Variants in EP300 observed in about 807,000 individuals in gnomAD.
The protein encoded by EP300 is histone acetyltransferase p300.
EP300 carries 31 observed loss-of-function variants against 264.0 expected under a neutral mutation model. The observed-to-expected ratio is 0.12, with a 90% CI of 0.09 to 0.16. The LOEUF is 0.16. EP300 is among the 10% of genes least tolerant of loss of function. The pLI, the probability that EP300 is intolerant of heterozygous loss-of-function variation, is 1.00. For synonymous variants in EP300, 1,340 were observed against 1,045.4 expected, an observed-to-expected ratio of 1.28 and a Z score of -5.44; for missense variants, 2,766 against 3,052.9, an observed-to-expected ratio of 0.91 and a Z score of 2.21.
intron 5 of EP300, among the ~76,000 whole-genome samples, chr22:41,130,335 G>T (rs1346358869): frequency 2.0e-5 from 3 of 151,790 alleles, no homozygotes; most frequent in African/African-American, 7.3e-5. Context: ...CAAGGCAAGA[G>T]GATTCCCAGG....
At position 41,176,757 on chromosome 22, in the gene EP300, CCT is replaced by C; in HGVS notation, c.5062-15_5062-14del. 6.2e-7 allele frequency: 1 copy of C among 1,613,842 alleles called. No individual in the cohort carries two copies. The highest frequency in any genetic ancestry group is 8.5e-7 in the Non-Finnish European group (1 of 1,180,034). ...AATCTTGGAGAGTTTACGTGCACCT[CCT>C]GTTTTTTCCCTAGGATTATGACTTG... is the stretch of plus-strand genomic sequence containing the variant. On this transcript the variant is annotated splice_polypyrimidine_tract_variant and intron_variant, in intron 30 of 30. Transcript: ENST00000263253.
intron 1 of EP300, among the ~76,000 whole-genome samples, chr22:41,112,513 A>G (rs575739488): frequency 6.6e-6 from 1 of 152,114 alleles, no homozygotes; most frequent in Middle Eastern, 3.4e-3. Context: ...TGAATCTTAT[A>G]TTTTCTTTAT....
chr22:41,097,377 A>AG lies in EP300; in HGVS notation c.94+4282dup, dbSNP rs1302996458. ...ATGGATAATAGGGAGGAGGGAGGAA[A>AG]GGGTTTCTGCCTTGGTGGCCTTTTG... On this transcript the variant is annotated intron_variant, in intron 1 of 30. Transcript: ENST00000263253. Among the ~76,000 whole-genome samples the AG allele has an allele frequency of 2.0e-5, 3 of 152,164 alleles. No individual in the cohort carries two copies. In the South Asian group the frequency reaches 6.2e-4, roughly 32 times the overall value.
Position 41,178,309 on chromosome 22 carries a change from G to C in EP300, c.6598G>C (p.Gly2200Arg), listed in dbSNP as rs1281461560. The change falls in exon 31 of 31, where the codon GGA becomes CGA. Residue 2200 changes from glycine (G) to arginine (R), a missense_variant. By Grantham distance (125) the Gly-to-Arg change is moderately radical. Coordinates refer to ENST00000263253, the MANE Select transcript of EP300 (RefSeq NM_001429.4). ...QQQQQQGAGPGIGPGMANHNQ... is the reference protein window; with the variant it reads ...QQQQQQGAGPRIGPGMANHNQ... ...GCAGCAGCAACAGGGAGCAGGGCCA[G>C]GAATAGGCCCTGGAATGGCCAACCA... is the stretch of plus-strand genomic sequence containing the variant. 6.2e-7 allele frequency: 1 copy of C among 1,614,154 alleles called. No individual in the cohort carries two copies. Among genetic ancestry groups the C allele is most frequent in the Non-Finnish European group, 8.5e-7 (1 of 1,180,024 alleles).
chr22:41,166,570 G>C, intron 22 of EP300, 29 bp from the exon 23 acceptor site: 1 of 1,588,418 alleles, frequency 6.3e-7, no homozygotes, highest in Non-Finnish European at 8.6e-7. Flanking sequence ...TATCTAAGTT[G>C]TGTAAGCAAA....
chr22:41,145,712 C>T (rs2059006808), intron 10 of EP300, among the ~76,000 whole-genome samples: 1 of 152,200 alleles, frequency 6.6e-6, no homozygotes, highest in Non-Finnish European at 1.5e-5. Context: ...CAAGCTCCAC[C>T]TCCCGGGGTC....
At chr22:41,175,956 A>G in intron 29 of EP300, 1 of 449,194 alleles carries the variant, frequency 2.2e-6, no homozygotes, top group South Asian at 2.2e-5. Flanking sequence ...GTACCTGCTC[A>G]CACCTGTAAT....
intron 6 of EP300, among the ~76,000 whole-genome samples, chr22:41,134,286 G>C (rs966880920): frequency 6.6e-6 from 1 of 150,724 alleles, no homozygotes; most frequent in African/African-American, 2.4e-5. Flanking sequence ...TGGATAACTA[G>C]AAACGTACGT....
At chr22:41,145,888 G>T (rs962737708) in intron 10 of EP300, among the ~76,000 whole-genome samples, 1 of 152,000 alleles carries the variant, frequency 6.6e-6, no homozygotes, top group African/African-American at 2.4e-5. Context: ...GCCCGCCTCG[G>T]CCTCCCAAAG....
At chr22:41,111,694 C>A (rs2058791391) in intron 1 of EP300, among the ~76,000 whole-genome samples, 1 of 151,528 alleles carries the variant, frequency 6.6e-6, no homozygotes, top group African/African-American at 2.4e-5. Context: ...GCCTGCACCA[C>A]CACGTACCGC....
chr22:41,102,015 CT>C (rs773184228), intron 1 of EP300, among the ~76,000 whole-genome samples: 19 of 142,454 alleles, frequency 1.3e-4, no homozygotes, highest in African/African-American at 2.6e-4. Context: ...TTTTCTGTTG[CT>C]TTTTTTTCTT....
chr22:41,153,210 C>G (rs932456428), intron 16 of EP300, among the ~76,000 whole-genome samples: 2 of 152,166 alleles, frequency 1.3e-5, no homozygotes, highest in Non-Finnish European at 2.9e-5. Flanking sequence ...GCCATTCCAA[C>G]AAGTGTTAAT....
chr22:41,100,244 A>G (rs1399667452), intron 1 of EP300, among the ~76,000 whole-genome samples: 1 of 152,204 alleles, frequency 6.6e-6, no homozygotes, highest in African/African-American at 2.4e-5. Context: ...TTCTAAAACA[A>G]CAAAAATTAG....
At chr22:41,155,187 C>T (rs2145745016) in intron 17 of EP300, 74 bp downstream of exon 17, 1 of 1,110,770 alleles carries the variant, frequency 9.0e-7, no homozygotes, top group South Asian at 1.2e-5. Context: ...ATTCACATTC[C>T]AAACAGTATA....
At chr22:41,117,960 A>T (rs2058831028) in intron 2 of EP300, 139 bp downstream of exon 2, 2 of 1,376,952 alleles carry the variant, frequency 1.5e-6, no homozygotes, top group African/African-American at 2.9e-5. Flanking sequence ...AAGTTTTAAG[A>T]AGTGCCTGTA....
chr22:41,160,830 T>C, intron 20 of EP300, 108 bp downstream of exon 20: 1 of 1,001,996 alleles, frequency 1.0e-6, no homozygotes, highest in Non-Finnish European at 1.6e-6. Flanking sequence ...ATGGTAGCCA[T>C]TAGCCACATG....
In EP300 at chr22:41,131,614, G is replaced by T. The variant is rs762358333; in HGVS notation, c.1509G>T (p.Met503Ile). Residue 503 changes from methionine to isoleucine, a missense_variant, in exon 6 of 31, where the codon ATG becomes ATT. Coordinates refer to ENST00000263253, the MANE Select transcript of EP300 (RefSeq NM_001429.4). ...NQQPGQSPQG[M>I]RPMSNMSASP... The stretch of plus-strand genomic sequence containing the variant: ...AGCCTGGGCAGTCTCCCCAAGGCAT[G>T]CGGCCCATGAGCAACATGAGTAAGT... 1 of 1,614,148 alleles carries T rather than the reference G, an allele frequency of 6.2e-7. No homozygotes were observed. Among genetic ancestry groups the T allele is most frequent in the South Asian group, 1.1e-5 (1 of 91,078 alleles).
Position 41,178,989 on chromosome 22 carries a change from T to C in EP300, c.*33T>C. The C allele has an allele frequency of 1.2e-6, 2 of 1,610,400 alleles. No individual in the cohort carries two copies. Among genetic ancestry groups the C allele is most frequent in the East Asian group, 2.2e-5 (1 of 44,882 alleles). On this transcript the variant is annotated 3_prime_UTR_variant, in exon 31 of 31. Transcript: ENST00000263253. ...TTGTAGTATTTTGGGAGCAAAAAAA[T>C]TATTTTCTCTTAACAAGACTTTTTG...
chr22:41,132,476 T>C (rs1366320058), intron 6 of EP300, among the ~76,000 whole-genome samples: 2 of 151,328 alleles, frequency 1.3e-5, no homozygotes, highest in South Asian at 2.1e-4. Context: ...TTAGTAGAGG[T>C]GGGGTTTTCA....
Sources: allele counts gnomAD v4.1 joint callset (sites outside exome capture counted in the v4.1 genomes callset), GRCh38; gene constraint gnomAD v4.1.1; transcripts MANE v1.5; gene names NCBI Gene and HGNC (gene_info 2026-07-23, HGNC 2026-07-21).